The following NIT2 variants were observed in gnomAD, a reference collection of about 807,000 sequenced individuals.
The protein encoded by NIT2 is omega-amidase NIT2.
NIT2 carries 46 observed loss-of-function variants against 42.7 expected under a neutral mutation model. That is an observed-to-expected ratio of 1.08 (90% CI 0.85 to 1.38). The LOEUF (loss-of-function observed/expected upper bound fraction) is 1.38. Among genes scored for constraint, NIT2 ranks in the 40% most tolerant of loss-of-function variants. The pLI is 0.00. For synonymous variants in NIT2, 123 were observed against 121.9 expected (o/e 1.01, Z -0.06); for missense variants, 309 against 342.5 (o/e 0.90, Z 0.77).
rs1333481043 is a variant in NIT2 at position 100,356,542 on chromosome 3, A to G, written c.*1274A>G. 2 of 152,234 alleles carry G rather than the reference A, an allele frequency of 1.3e-5. No individual in the cohort carries two copies. The highest frequency in any genetic ancestry group is 4.8e-5 in the African/African-American group (2 of 41,464). 9.4% of individuals were successfully genotyped at this position (152,234 alleles called of 1,614,324 possible). On this transcript the variant is annotated 3_prime_UTR_variant, in exon 10 of 10. Transcript: ENST00000394140. ...TCCATTAGCTATTAAGGTGATGGAC[A>G]CGGTGTCCAAATGACACGGTGTCAT...
intron 2 of NIT2, 73 bp downstream of exon 2, chr3:100,339,278 GTCC>G: frequency 1.0e-6 from 1 of 965,864 alleles, no homozygotes; most frequent in South Asian, 1.3e-5. Context: ...AGCTCTGGTT[GTCC>G]TCTTGTATCC....
At chr3:100,348,048 G>A (rs552820905) in intron 6 of NIT2, among the ~76,000 whole-genome samples, 2 of 152,034 alleles carry the variant, frequency 1.3e-5, no homozygotes, top group African/African-American at 2.4e-5. Context: ...TCGCCACCAC[G>A]CCCAGCTAAT....
chr3:100,361,451 T>C lies in NIT2; in HGVS notation c.*6183T>C, dbSNP rs1706384507. 2.0e-5 allele frequency: 3 copies of C among 152,268 alleles called. No individual in the cohort carries two copies. Among genetic ancestry groups the C allele is most frequent in the Admixed American group, 1.3e-4 (2 of 15,280 alleles). 9.4% of individuals were successfully genotyped at this position (152,268 alleles called of 1,614,324 possible). On this transcript the variant is annotated 3_prime_UTR_variant, in exon 10 of 10. Coordinates refer to ENST00000394140, the MANE Select transcript of NIT2 (RefSeq NM_020202.5). ...TGAGCTCTGAAAGGCAGCAATCATC[T>C]TGACCCCAAGCATACACCATGTTCA...
Position 100,354,797 on chromosome 3 carries a change from A to T in NIT2, c.709A>T (p.Thr237Ser), listed in dbSNP as rs754987401. The T allele has an allele frequency of 3.7e-6, 6 of 1,610,108 alleles. No individual in the cohort carries two copies. The highest frequency in any genetic ancestry group is 5.1e-6 in the Non-Finnish European group (6 of 1,178,054). ...PWGEVLAKAG[T>S]EEAIVYSDID... ...GGGGGAGGTTCTAGCCAAAGCTGGC[A>T]CAGAAGAAGCAATCGTGTATTCAGA... The change falls in exon 9 of 10, where the codon ACA (threonine) becomes TCA (serine). Residue 237 changes from threonine to serine, a missense_variant. Physicochemically the swap from Thr to Ser is moderately conservative, Grantham distance 58. Transcript: ENST00000394140.
In NIT2 at chr3:100,339,798, T is replaced by G. The variant is rs767316541; in HGVS notation, c.127-17T>G. 6.9e-6 allele frequency: 11 copies of G among 1,597,872 alleles called. No individual in the cohort carries two copies. In the Admixed American group the frequency reaches 1.8e-4, roughly 26 times the overall value. ...GGGTGTTTTGATCTTTTTTTTTCTCTGCCAATATTTTTCTAGGAATGCTTT... is the reference window on the plus strand; with the variant it reads ...GGGTGTTTTGATCTTTTTTTTTCTCGGCCAATATTTTTCTAGGAATGCTTT... On this transcript the variant is annotated splice_polypyrimidine_tract_variant and intron_variant, in intron 2 of 9. Transcript: ENST00000394140.
rs1367946196 is a variant in NIT2, at chr3:100,339,916, C to G, written c.228C>G (p.Cys76Trp). Residue 76 changes from cysteine (C) to tryptophan (W), a missense_variant, in exon 3 of 10, where the codon TGC becomes TGG. Coordinates refer to ENST00000394140, the MANE Select transcript of NIT2 (RefSeq NM_020202.5). ...TQKLSEVAKECSIYLIGGSIP... is the reference protein window; with the variant it reads ...TQKLSEVAKEWSIYLIGGSIP... ...AGCTTTCTGAAGTAGCAAAGGAATG[C>G]AGCATATATCTCATTGGAGGTAACT... 1 of 1,612,854 alleles carries G rather than the reference C, an allele frequency of 6.2e-7. No individual in the cohort carries two copies. Among genetic ancestry groups the G allele is most frequent in the East Asian group, 2.2e-5 (1 of 44,866 alleles).
chr3:100,352,593 C>T (rs1298443807), intron 8 of NIT2, 91 bp downstream of exon 8: 2 of 872,348 alleles, frequency 2.3e-6, no homozygotes, highest in Non-Finnish European at 3.7e-6. Context: ...CCTGAGCAGC[C>T]AGGCGCTCAC....
chr3:100,354,510 T>A (rs962807498), intron 8 of NIT2, among the ~76,000 whole-genome samples: 1 of 152,242 alleles, frequency 6.6e-6, no homozygotes, highest in African/African-American at 2.4e-5. Flanking sequence ...TTGCAATTTA[T>A]GAAACATGAT....
At chr3:100,337,408 G>T (rs953795397) in intron 1 of NIT2, among the ~76,000 whole-genome samples, 2 of 152,092 alleles carry the variant, frequency 1.3e-5, no homozygotes, top group African/African-American at 4.8e-5. Flanking sequence ...GTCCAGACAG[G>T]ACATGGAAAC....
chr3:100,336,147 T>C (rs1033956759), intron 1 of NIT2, among the ~76,000 whole-genome samples: 1 of 152,234 alleles, frequency 6.6e-6, no homozygotes, highest in African/African-American at 2.4e-5. Flanking sequence ...TGAGTTTTCC[T>C]TTTAGTTAAC....
At position 100,346,001 on chromosome 3, in the gene NIT2, G is replaced by T; in HGVS notation, c.431-180G>T. 9 of 610,454 alleles carry T rather than the reference G, an allele frequency of 1.5e-5. No homozygotes were observed. In the South Asian group the frequency reaches 1.6e-4, roughly 11 times the overall value. The allele number at this position is 610,454 out of a possible 1,614,324, so 37.8% of individuals were successfully genotyped here. On this transcript the variant is annotated intron_variant, in intron 5 of 9. Coordinates refer to ENST00000394140, the MANE Select transcript of NIT2 (RefSeq NM_020202.5). ...TCATCTTTACTCCGCTGATGTAAAT[G>T]ATGTCTTTATGAGATGAAGTCCAAG...
rs1282027898 is a variant in NIT2, at chr3:100,360,060, T to C, written c.*4792T>C. On this transcript the variant is annotated 3_prime_UTR_variant, in exon 10 of 10. Transcript: ENST00000394140. ...AAAACTCAGTTTTTGAGCTCCTCTA[T>C]GTTCATCTTTTTATGGCTAACCCTC... is the stretch of plus-strand genomic sequence containing the variant. 6.6e-6 allele frequency: 1 copy of C among 152,224 alleles called. No homozygotes were observed. The highest frequency in any genetic ancestry group is 1.5e-5 in the Non-Finnish European group (1 of 68,038). 9.4% of individuals were successfully genotyped at this position (152,224 alleles called of 1,614,324 possible).
chr3:100,343,462 TTCTG>T (rs1706177549), intron 4 of NIT2, among the ~76,000 whole-genome samples: 1 of 152,186 alleles, frequency 6.6e-6, no homozygotes, highest in African/African-American at 2.4e-5. Flanking sequence ...TCACTGTTTC[TTCTG>T]TCTTCTTCAA....
intron 1 of NIT2, among the ~76,000 whole-genome samples, chr3:100,338,094 G>A (rs910672507): frequency 6.6e-6 from 1 of 152,138 alleles, no homozygotes; most frequent in Non-Finnish European, 1.5e-5. Context: ...TTAGCTAATG[G>A]AAAGTGATTA....
rs1706324020 is a variant in NIT2 at position 100,356,220 on chromosome 3, G to C, written c.*952G>C. 6.6e-6 allele frequency: 1 copy of C among 152,134 alleles called. No individual in the cohort carries two copies. The highest frequency in any genetic ancestry group is 2.1e-4 in the South Asian group (1 of 4,822). The allele number at this position is 152,134 out of a possible 1,614,324, so 9.4% of individuals were successfully genotyped here. ...TATATGTATCTCAAAGACTTCAATG[G>C]GTTTTTGCTTACATGGGCCAGTAAT... On this transcript the variant is annotated 3_prime_UTR_variant, in exon 10 of 10. Transcript: ENST00000394140.
intron 3 of NIT2, among the ~76,000 whole-genome samples, chr3:100,340,815 T>G (rs1706141282): frequency 6.6e-6 from 1 of 152,002 alleles, no homozygotes; most frequent in Non-Finnish European, 1.5e-5. Flanking sequence ...TCATATCCCA[T>G]CTACACTCTG....
intron 4 of NIT2, among the ~76,000 whole-genome samples, chr3:100,342,163 T>C (rs1429382278): frequency 6.6e-6 from 1 of 152,228 alleles, no homozygotes; most frequent in Non-Finnish European, 1.5e-5. Context: ...TTCTGCTTTA[T>C]CTCTGCTATC....
intron 1 of NIT2, among the ~76,000 whole-genome samples, chr3:100,336,713 C>T (rs185103387): frequency 6.6e-6 from 1 of 152,322 alleles, no homozygotes; most frequent in East Asian, 1.9e-4. Flanking sequence ...AGCCCTAAGG[C>T]GGTTTTCCCT....
intron 8 of NIT2, 82 bp from the exon 9 acceptor site, chr3:100,354,690 T>G: frequency 1.9e-6 from 2 of 1,058,144 alleles, no homozygotes; most frequent in Non-Finnish European, 2.8e-6. Context: ...CTTTGGCCTG[T>G]GAGCTTGGGA....
Sources: gnomAD v4.1 joint callset for allele counts (sites outside exome capture counted in the v4.1 genomes callset) on GRCh38, gnomAD v4.1.1 for gene constraint, MANE v1.5 for transcripts, NCBI Gene and HGNC (gene_info 2026-07-23, HGNC 2026-07-21) for gene names.